Variants in MON2 observed in about 807,000 individuals in gnomAD.
MON2 encodes the protein MON2 regulator of endosome-to-Golgi trafficking.
MON2 carries 84 observed loss-of-function variants against 208.6 expected under a neutral mutation model. The ratio of observed to expected loss-of-function variants is 0.40; its 90% CI spans 0.34 to 0.48. The LOEUF (loss-of-function observed/expected upper bound fraction) is 0.48. Ranked by LOEUF, MON2 falls within the 20% of genes least tolerant of loss-of-function variation. The probability of loss-of-function intolerance (pLI) is 0.59; values close to 1 mark genes in which losing one functional copy is unlikely to be tolerated. For missense variants in MON2, 1,611 were observed against 2,015.4 expected (o/e 0.80, Z 3.84); for synonymous variants, 660 against 694.0 (o/e 0.95, Z 0.77).
intron 22 of MON2, 102 bp downstream of exon 22, chr12:62,547,174 A>C (rs1431113731): frequency 5.3e-6 from 4 of 752,722 alleles, no homozygotes; most frequent in Non-Finnish European, 1.9e-6. Flanking sequence ...GAAGGACTCC[A>C]TCCTAAAATC....
At chr12:62,551,391 C>T (rs370480070) in intron 23 of MON2, among the ~76,000 whole-genome samples, 3 of 59,090 alleles carry the variant, frequency 5.1e-5, no homozygotes, top group East Asian at 4.5e-4. Flanking sequence ...AACAACCTGA[C>T]GATGAAACAG....
chr12:62,509,938 C>G (rs2071308847), intron 8 of MON2, among the ~76,000 whole-genome samples: 1 of 150,142 alleles, frequency 6.7e-6, no homozygotes, highest in Admixed American at 6.6e-5. Flanking sequence ...AGAGAAAATA[C>G]TCAAATAACT....
chr12:62,552,801 TA>T, intron 23 of MON2, 79 bp from the exon 24 acceptor site: 2 of 1,079,174 alleles, frequency 1.9e-6, no homozygotes, highest in East Asian at 2.4e-5. Flanking sequence ...CTCTGAAAGG[TA>T]AAACAGCCAC....
At chr12:62,543,607 TTC>T (rs1026739283) in intron 20 of MON2, among the ~76,000 whole-genome samples, 66 of 152,090 alleles carry the variant, frequency 4.3e-4, no homozygotes, top group African/African-American at 1.3e-3. Context: ...GCTTTTTTTT[TTC>T]TCTCTCTCTC....
chr12:62,538,016 A>G lies in MON2; in HGVS notation c.2119-80A>G, dbSNP rs1009577028. ...ATTTTAATTTTGGTTGCTAGAAGTT[A>G]CTACTGATTTTAATTTTAGTTATTG... On this transcript the variant is annotated intron_variant, in intron 16 of 34. Transcript: ENST00000393630. The G allele has an allele frequency of 1.1e-5, 14 of 1,272,038 alleles. No homozygotes were observed. In the African/African-American group the frequency reaches 2.1e-4, roughly 19 times the overall value. 78.8% of individuals were successfully genotyped at this position (1,272,038 alleles called of 1,614,324 possible).
intron 8 of MON2, among the ~76,000 whole-genome samples, chr12:62,520,459 A>G (rs1227493018): frequency 6.6e-6 from 1 of 152,124 alleles, no homozygotes; most frequent in African/African-American, 2.4e-5. Flanking sequence ...CTGTTTGTAC[A>G]GTATATACAA....
chr12:62,538,350 T>C (rs1410657120), intron 18 of MON2, 25 bp downstream of exon 18: 3 of 1,595,678 alleles, frequency 1.9e-6, no homozygotes, highest in Non-Finnish European at 2.6e-6. Flanking sequence ...TTTTAATTGA[T>C]AAAAACATTG....
chr12:62,496,671 A>G (rs1049796842), intron 4 of MON2, among the ~76,000 whole-genome samples: 1 of 152,246 alleles, frequency 6.6e-6, no homozygotes, highest in Non-Finnish European at 1.5e-5. Flanking sequence ...AAAAACTAAA[A>G]TCCTTGAGTA....
intron 19 of MON2, among the ~76,000 whole-genome samples, chr12:62,542,754 C>CA (rs1383662796): frequency 1.3e-5 from 2 of 152,142 alleles, no homozygotes; most frequent in Non-Finnish European, 2.9e-5. Flanking sequence ...GACATTCACA[C>CA]ATAAAACCTG....
chr12:62,557,759 C>G (rs988075557), intron 25 of MON2, among the ~76,000 whole-genome samples: 5 of 151,040 alleles, frequency 3.3e-5, no homozygotes, highest in Non-Finnish European at 5.9e-5. Flanking sequence ...ATCCATTTAG[C>G]ATGTTAGGGC....
intron 1 of MON2, among the ~76,000 whole-genome samples, chr12:62,475,193 C>T (rs1439458478): frequency 1.3e-5 from 2 of 152,080 alleles, no homozygotes; most frequent in Non-Finnish European, 2.9e-5. Flanking sequence ...CCAAATATGT[C>T]CTACTGCTTC....
At chr12:62,550,905 CTTTCTTTTTTTTT>C (rs2073710275) in intron 23 of MON2, among the ~76,000 whole-genome samples, 2 of 118,396 alleles carry the variant, frequency 1.7e-5, no homozygotes, top group East Asian at 4.9e-4. Context: ...TTTCTTCTTT[CTTTCTTTTTTTTT>C]TTTTTTTTTT....
chr12:62,522,746 C>T (rs1379150266), intron 8 of MON2, among the ~76,000 whole-genome samples: 1 of 152,098 alleles, frequency 6.6e-6, no homozygotes, highest in Non-Finnish European at 1.5e-5. Flanking sequence ...CCATTGAGGC[C>T]CTTGTTCAGT....
At chr12:62,571,923 C>A (rs2074608954) in intron 30 of MON2, among the ~76,000 whole-genome samples, 1 of 152,158 alleles carries the variant, frequency 6.6e-6, no homozygotes, top group South Asian at 2.1e-4. Context: ...GTTAGAAAAT[C>A]AGTGTATTAC....
At chr12:62,494,104 A>G in intron 3 of MON2, 62 bp downstream of exon 3, 1 of 1,385,350 alleles carries the variant, frequency 7.2e-7, no homozygotes, top group Non-Finnish European at 1.0e-6. Flanking sequence ...TCATGAAAGG[A>G]GAATGAAACA....
chr12:62,538,775 A>G (rs1450449497), intron 19 of MON2, among the ~76,000 whole-genome samples: 1 of 152,016 alleles, frequency 6.6e-6, no homozygotes, highest in Non-Finnish European at 1.5e-5. Flanking sequence ...ATAAAATAAT[A>G]TAATACAGTT....
At position 62,515,128 on chromosome 12, in the gene MON2, A is replaced by G. The variant is rs372841900; in HGVS notation, c.984+6648A>G. 2.6e-5 allele frequency among the ~76,000 whole-genome samples: 4 copies of G among 152,236 alleles called. No individual in the cohort carries two copies. The East Asian group carries it at 7.7e-4, about 29-fold the overall frequency. On this transcript the variant is annotated intron_variant, in intron 8 of 34. Transcript: ENST00000393630. ...AATTACCATATGACCCAGCAATACTACTTATGCATATAAATTCAAAAGAAT... is the reference window on the plus strand; with the variant it reads ...AATTACCATATGACCCAGCAATACTGCTTATGCATATAAATTCAAAAGAAT...
intron 8 of MON2, among the ~76,000 whole-genome samples, chr12:62,521,601 C>G (rs1475656244): frequency 6.6e-6 from 1 of 152,156 alleles, no homozygotes; most frequent in East Asian, 1.9e-4. Context: ...CAGGTTATCT[C>G]ACTCTATCAG....
At chr12:62,482,688 T>C (rs1454338468) in intron 1 of MON2, 1 of 152,250 alleles carries the variant, frequency 6.6e-6, no homozygotes, top group African/African-American at 2.4e-5. Context: ...AATGGAATTA[T>C]AATGTGGGCT....
Sources: gnomAD v4.1 joint callset for allele counts (sites outside exome capture counted in the v4.1 genomes callset) on GRCh38, gnomAD v4.1.1 for gene constraint, MANE v1.5 for transcripts, NCBI Gene and HGNC (gene_info 2026-07-23, HGNC 2026-07-21) for gene names.